Variants in PRMT8 observed in about 807,000 individuals in gnomAD.
PRMT8 encodes the protein protein arginine methyltransferase 8, also known as protein arginine N-methyltransferase 8.
PRMT8 carries 7 observed loss-of-function variants against 47.1 expected under a neutral mutation model. That is an observed-to-expected ratio of 0.15 (90% CI 0.08 to 0.28). The LOEUF is 0.28. Among genes scored for constraint, PRMT8 ranks in the 10% least tolerant of loss-of-function variants. PRMT8 has a pLI of 1.00. For synonymous variants in PRMT8, 188 were observed against 186.5 expected (o/e 1.01, Z -0.07); for missense variants, 237 against 505.4 (o/e 0.47, Z 5.09).
At chr12:3,476,589 G>A (rs1865217621) in intron 1 of PRMT8, among the ~76,000 whole-genome samples, 1 of 152,108 alleles carries the variant, frequency 6.6e-6, no homozygotes, top group South Asian at 2.1e-4. Context: ...CTTAGGATAG[G>A]AGTTTTGCTC....
intron 1 of PRMT8, among the ~76,000 whole-genome samples, chr12:3,496,859 C>T (rs768119418): frequency 3.9e-5 from 6 of 152,062 alleles, no homozygotes; most frequent in African/African-American, 1.2e-4. Flanking sequence ...TTCCTCCCTC[C>T]GCAAACACTG....
chr12:3,397,725 G>A (rs1464029630), intron 1 of PRMT8, among the ~76,000 whole-genome samples: 1 of 152,098 alleles, frequency 6.6e-6, no homozygotes, highest in Non-Finnish European at 1.5e-5. Flanking sequence ...TCCTTGAGCT[G>A]TGGTGGGCTC....
chr12:3,524,954 G>A (rs1308380854), intron 1 of PRMT8, among the ~76,000 whole-genome samples: 4 of 152,196 alleles, frequency 2.6e-5, no homozygotes, highest in Admixed American at 6.5e-5. Context: ...CAGGTGCAGT[G>A]CCTCATGCCT....
intron 4 of PRMT8, among the ~76,000 whole-genome samples, chr12:3,558,522 A>G (rs932467962): frequency 1.1e-4 from 16 of 152,156 alleles, no homozygotes; most frequent in African/African-American, 3.6e-4. Context: ...GAGTAACATC[A>G]TTTGTAGCAA....
At chr12:3,542,841 G>A (rs1305385421) in intron 2 of PRMT8, among the ~76,000 whole-genome samples, 1 of 152,248 alleles carries the variant, frequency 6.6e-6, no homozygotes, top group African/African-American at 2.4e-5. Flanking sequence ...GGTGTCCCCA[G>A]CCTGTTACCT....
chr12:3,540,613 G>GAC lies in PRMT8; in HGVS notation c.83_84insAC (p.Ser28ArgfsTer39). 2.7e-6 allele frequency: 3 copies of GAC among 1,130,514 alleles called. No homozygotes were observed. Among genetic ancestry groups the GAC allele is most frequent in the Admixed American group, 1.9e-5 (1 of 52,690 alleles). The allele number at this position is 1,130,514 out of a possible 1,614,324, so 70.0% of individuals were successfully genotyped here. On this transcript the variant is annotated frameshift_variant, in exon 2 of 10. Transcript: ENST00000382622. LOFTEE classifies it high-confidence loss of function. ...CCCTTCTCTTCCCCTCAGGTGAACA[G>GAC]CCCCCCCTCCCAGCCCCCCCAGCCC...
chr12:3,531,943 G>C (rs1178890420), intron 1 of PRMT8, among the ~76,000 whole-genome samples: 1 of 152,192 alleles, frequency 6.6e-6, no homozygotes, highest in Non-Finnish European at 1.5e-5. Context: ...GCGAGGAAGA[G>C]AGAAGGCCTG....
chr12:3,460,130 C>A (rs1248293691), intron 1 of PRMT8, among the ~76,000 whole-genome samples: 2 of 152,104 alleles, frequency 1.3e-5, no homozygotes, highest in Non-Finnish European at 2.9e-5. Context: ...TGGTCCAATC[C>A]CTCTGTTTTA....
chr12:3,397,569 C>T (rs1418788232), intron 1 of PRMT8, among the ~76,000 whole-genome samples: 6 of 151,644 alleles, frequency 4.0e-5, no homozygotes, highest in Admixed American at 1.3e-4. Flanking sequence ...TCTGCCCGTT[C>T]TCAGATCTCC....
intron 1 of PRMT8, among the ~76,000 whole-genome samples, chr12:3,419,302 C>T (rs908173211): frequency 3.9e-5 from 6 of 152,188 alleles, no homozygotes; most frequent in Non-Finnish European, 5.9e-5. Context: ...GTGAGGAAGG[C>T]GGAAGCAGAC....
intron 1 of PRMT8, among the ~76,000 whole-genome samples, chr12:3,419,246 G>A (rs116669291): frequency 0.016 from 2,442 of 152,274 alleles, 73 homozygotes; most frequent in African/African-American, 0.053. Flanking sequence ...GCTGCTACCT[G>A]CCAGGGGCTT....
chr12:3,396,534 A>T (rs1371514239), intron 1 of PRMT8, among the ~76,000 whole-genome samples: 2 of 152,212 alleles, frequency 1.3e-5, no homozygotes, highest in South Asian at 4.1e-4. Context: ...AACGTTGAAT[A>T]TTGGCCCTCA....
At chr12:3,480,231 TA>T (rs1014869658) in intron 1 of PRMT8, among the ~76,000 whole-genome samples, 1 of 151,290 alleles carries the variant, frequency 6.6e-6, no homozygotes, top group Non-Finnish European at 1.5e-5. Flanking sequence ...AATTAAAGCT[TA>T]AAAAATGTTT....
At chr12:3,449,276 G>T (rs2137078994) in intron 1 of PRMT8, among the ~76,000 whole-genome samples, 1 of 152,266 alleles carries the variant, frequency 6.6e-6, no homozygotes, top group Non-Finnish European at 1.5e-5. Flanking sequence ...CTGGTCAAAT[G>T]GTATTTCTGG....
At chr12:3,487,827 G>C (rs4766130), upstream of PRMT8, among the ~76,000 whole-genome samples, 37,406 of 152,102 alleles carry the variant, frequency 0.25, 5,029 homozygotes, top group African/African-American at 0.35. Context: ...CTCTGCAGGT[G>C]TTTTTGTCTC....
chr12:3,577,953 C>G (rs76383554), intron 7 of PRMT8, among the ~76,000 whole-genome samples: 3,455 of 152,286 alleles, frequency 0.023, 154 homozygotes, highest in African/African-American at 0.078. Flanking sequence ...CCAGCCCCAT[C>G]CTCCTCCAGA....
intron 1 of PRMT8, among the ~76,000 whole-genome samples, chr12:3,427,596 G>GTT (rs553822813): frequency 6.9e-6 from 1 of 145,082 alleles, no homozygotes; most frequent in East Asian, 2.0e-4. Context: ...CACATAAACT[G>GTT]TTTTTTTTTT....
chr12:3,526,546 A>C (rs1865952439), intron 1 of PRMT8, among the ~76,000 whole-genome samples: 1 of 152,216 alleles, frequency 6.6e-6, no homozygotes, highest in Non-Finnish European at 1.5e-5. Context: ...CTTTTAAAAA[A>C]TATATATTAG....
intron 1 of PRMT8, among the ~76,000 whole-genome samples, chr12:3,507,118 CTTT>C (rs72188443): frequency 1.6e-5 from 2 of 122,568 alleles, no homozygotes; most frequent in African/African-American, 3.1e-5. Flanking sequence ...GGTGGCCTTT[CTTT>C]TTTTTTTTTT....
Sources: gnomAD v4.1 joint callset for allele counts (sites outside exome capture counted in the v4.1 genomes callset) on GRCh38, gnomAD v4.1.1 for gene constraint, MANE v1.5 for transcripts, NCBI Gene and HGNC (gene_info 2026-07-23, HGNC 2026-07-21) for gene names.